Variants in HCN1 observed in about 807,000 individuals in gnomAD.
HCN1 encodes the protein potassium/sodium hyperpolarization-activated cyclic nucleotide-gated channel 1.
A neutral mutation model predicts 78.9 loss-of-function variants in HCN1; 13 were observed. That is an observed-to-expected ratio of 0.16 (90% CI 0.11 to 0.26). The LOEUF is 0.26. HCN1 is among the 10% of genes least tolerant of loss of function. HCN1 has a pLI of 1.00. For missense variants in HCN1, 810 were observed against 1,154.3 expected (o/e 0.70, Z 4.32); for synonymous variants, 552 against 455.5 (o/e 1.21, Z -2.70).
At chr5:45,337,177 G>A (rs943575332) in intron 5 of HCN1, among the ~76,000 whole-genome samples, 2 of 151,972 alleles carry the variant, frequency 1.3e-5, no homozygotes, top group African/African-American at 4.8e-5. Flanking sequence ...TGCATTGAAT[G>A]ACTAATGCAT....
intron 2 of HCN1, among the ~76,000 whole-genome samples, chr5:45,482,643 G>A (rs1561171141): frequency 6.6e-6 from 1 of 152,142 alleles, no homozygotes; most frequent in South Asian, 2.1e-4. Flanking sequence ...GATACAGGGG[G>A]TACATGTGCA....
chr5:45,324,130 C>T (rs1311980307), intron 5 of HCN1, among the ~76,000 whole-genome samples: 1 of 151,768 alleles, frequency 6.6e-6, no homozygotes, highest in East Asian at 1.9e-4. Flanking sequence ...CCTGAGGAAT[C>T]GCCACACCAA....
In HCN1 at chr5:45,435,971, C is replaced by T. The variant is rs1468443079; in HGVS notation, c.1011+25875G>A. Among the ~76,000 whole-genome samples, 3 of 152,228 alleles carry T rather than the reference C, an allele frequency of 2.0e-5. No individual in the cohort carries two copies. The Middle Eastern group carries it at 0.01, about 518-fold the overall frequency. On this transcript the variant is annotated intron_variant, in intron 3 of 7. Coordinates refer to ENST00000303230, the MANE Select transcript of HCN1 (RefSeq NM_021072.4). ...CTATAGACCCCCGCCAATAAAATTC[C>T]ATTATTTCAGCATTTTATCTGGACT...
chr5:45,380,441 C>CAG (rs1747782904), intron 4 of HCN1, among the ~76,000 whole-genome samples: 1 of 152,040 alleles, frequency 6.6e-6, no homozygotes, highest in African/African-American at 2.4e-5. Flanking sequence ...TATGGATATC[C>CAG]AGCATATGTC....
intron 2 of HCN1, among the ~76,000 whole-genome samples, chr5:45,468,485 T>C (rs1297018366): frequency 6.6e-6 from 1 of 152,126 alleles, no homozygotes; most frequent in Non-Finnish European, 1.5e-5. Context: ...GTTTCTTAAC[T>C]ACCTTTTCAA....
chr5:45,639,341 T>A (rs1745412184), intron 2 of HCN1, among the ~76,000 whole-genome samples: 1 of 152,204 alleles, frequency 6.6e-6, no homozygotes, highest in South Asian at 2.1e-4. Flanking sequence ...GTAGATGTGC[T>A]AATTTCAGAA....
At chr5:45,456,019 C>T (rs1189629403) in intron 3 of HCN1, among the ~76,000 whole-genome samples, 1 of 151,832 alleles carries the variant, frequency 6.6e-6, no homozygotes, top group Admixed American at 6.6e-5. Flanking sequence ...CCCTTATTCT[C>T]TCCATATAGA....
chr5:45,332,795 C>A (rs1297306359), intron 5 of HCN1, among the ~76,000 whole-genome samples: 2 of 151,696 alleles, frequency 1.3e-5, no homozygotes, highest in Non-Finnish European at 3.0e-5. Context: ...CCTGTTCCAT[C>A]CACGTTGTTG....
chr5:45,640,063 G>T (rs1745423369), intron 2 of HCN1, among the ~76,000 whole-genome samples: 2 of 152,264 alleles, frequency 1.3e-5, no homozygotes, highest in South Asian at 4.2e-4. Flanking sequence ...AGTTCAGTAT[G>T]TTTCAAGGCC....
At chr5:45,493,730 C>T (rs892274592) in intron 2 of HCN1, among the ~76,000 whole-genome samples, 6 of 151,430 alleles carry the variant, frequency 4.0e-5, no homozygotes, top group Admixed American at 2.6e-4. Flanking sequence ...AGGTATATCC[C>T]CCAATGCTAT....
chr5:45,538,608 A>T (rs1161676548), intron 2 of HCN1, among the ~76,000 whole-genome samples: 1 of 152,168 alleles, frequency 6.6e-6, no homozygotes, highest in Non-Finnish European at 1.5e-5. Context: ...GCTTGGTCTG[A>T]GTTTATTTAC....
intron 6 of HCN1, among the ~76,000 whole-genome samples, chr5:45,268,676 C>T (rs1744906504): frequency 2.6e-5 from 4 of 152,136 alleles, no homozygotes; most frequent in Admixed American, 1.3e-4. Flanking sequence ...GAAATGTCAC[C>T]TAAACCATCA....
At position 45,546,596 on chromosome 5, in the gene HCN1, T is replaced by C. The variant is rs145858177; in HGVS notation, c.850-84589A>G. On this transcript the variant is annotated intron_variant, in intron 2 of 7. Transcript: ENST00000303230. ...TTAGTTCTATTACTTCGTTTCTTTA[T>C]AATTTCACTTTTATTAATTCAAATA... Among the ~76,000 whole-genome samples the C allele has an allele frequency of 6.8e-4, 103 of 152,072 alleles. 1 individual carries two copies. In the East Asian group the frequency reaches 7.2e-3, roughly 11 times the overall value.
intron 2 of HCN1, among the ~76,000 whole-genome samples, chr5:45,612,740 T>C (rs923037990): frequency 9.2e-5 from 14 of 152,290 alleles, no homozygotes; most frequent in Non-Finnish European, 1.8e-4. Context: ...CTGAAAAGTA[T>C]AGTAGCCATT....
chr5:45,453,958 T>G (rs778382687), intron 3 of HCN1, among the ~76,000 whole-genome samples: 1 of 152,120 alleles, frequency 6.6e-6, no homozygotes, highest in Non-Finnish European at 1.5e-5. Context: ...ATTTCATGAA[T>G]AGTGCTTCTT....
chr5:45,655,363 G>A (rs1187602517), intron 1 of HCN1, among the ~76,000 whole-genome samples: 4 of 152,030 alleles, frequency 2.6e-5, no homozygotes, highest in Non-Finnish European at 5.9e-5. Context: ...GAGGAAAACC[G>A]AAATCATCTA....
chr5:45,686,828 G>A (rs1329129082), intron 1 of HCN1, among the ~76,000 whole-genome samples: 3 of 152,142 alleles, frequency 2.0e-5, no homozygotes, highest in African/African-American at 4.8e-5. Context: ...CCCCAGTCTG[G>A]ACTGGTTTCT....
chr5:45,271,681 T>G (rs578068508), intron 6 of HCN1, among the ~76,000 whole-genome samples: 7 of 152,186 alleles, frequency 4.6e-5, no homozygotes, highest in Non-Finnish European at 1.0e-4. Flanking sequence ...TGACAGATAG[T>G]AGGGGCTTAA....
chr5:45,633,263 A>T (rs1342363739), intron 2 of HCN1, among the ~76,000 whole-genome samples: 1 of 152,026 alleles, frequency 6.6e-6, no homozygotes, highest in East Asian at 1.9e-4. Flanking sequence ...AGCATAAGGA[A>T]GTTATTTTGC....
Sources: allele counts gnomAD v4.1 joint callset (sites outside exome capture counted in the v4.1 genomes callset), GRCh38; gene constraint gnomAD v4.1.1; transcripts MANE v1.5; gene names NCBI Gene and HGNC (gene_info 2026-07-23, HGNC 2026-07-21).